MAP2K3: variants seen among roughly 807,000 people sequenced by gnomAD.
MAP2K3 encodes the protein mitogen-activated protein kinase kinase 3, also known as dual specificity mitogen-activated protein kinase kinase 3.
A neutral mutation model predicts 46.4 loss-of-function variants in MAP2K3; 30 were observed. That is an observed-to-expected ratio of 0.65 (90% confidence interval 0.48 to 0.88). The LOEUF is 0.88. Among genes scored for constraint, MAP2K3 ranks in the 40% least tolerant of loss-of-function variants. The pLI is 0.00. For synonymous variants in MAP2K3, 189 were observed against 176.3 expected (o/e 1.07, Z -0.57); for missense variants, 380 against 464.5 (o/e 0.82, Z 1.67).
At chr17:21,310,524 C>G (rs551451769) in intron 9 of MAP2K3, among the ~76,000 whole-genome samples, 65 of 152,266 alleles carry the variant, frequency 4.3e-4, no homozygotes, top group Non-Finnish European at 1.8e-4. Context: ...CGGCCTCCCC[C>G]CATCCTGCAA....
intron 7 of MAP2K3, among the ~76,000 whole-genome samples, chr17:21,303,504 C>T (rs1976721551): frequency 6.6e-6 from 1 of 152,308 alleles, no homozygotes; most frequent in Non-Finnish European, 1.5e-5. Flanking sequence ...TCGTGAAACT[C>T]CAGCATAGAG....
intron 1 of MAP2K3, among the ~76,000 whole-genome samples, chr17:21,289,559 T>C (rs1975824552): frequency 6.6e-6 from 1 of 152,134 alleles, no homozygotes; most frequent in African/African-American, 2.4e-5. Context: ...GCCCCACGAC[T>C]GATGCCCACA....
chr17:21,296,231 G>C, intron 1 of MAP2K3: 1 of 1,278,726 alleles, frequency 7.8e-7, no homozygotes, highest in Non-Finnish European at 1.0e-6. Flanking sequence ...TTTCTGCCTC[G>C]AGCTGTTTTG....
At chr17:21,300,451 G>T (rs138579071) in intron 3 of MAP2K3, 94 bp from the exon 4 acceptor site, 12 of 1,302,174 alleles carry the variant, frequency 9.2e-6, no homozygotes, top group Non-Finnish European at 1.3e-5. Context: ...TAATCAGCTG[G>T]TCCTCTTCAT....
intron 8 of MAP2K3, 74 bp from the exon 9 acceptor site, chr17:21,304,977 G>C: frequency 6.4e-7 from 1 of 1,562,710 alleles, no homozygotes; most frequent in African/African-American, 1.4e-5. Flanking sequence ...CTCAGTTTGG[G>C]GATTGGGAGG....
At chr17:21,287,730 C>T (rs1025632975) in intron 1 of MAP2K3, among the ~76,000 whole-genome samples, 7 of 152,250 alleles carry the variant, frequency 4.6e-5, no homozygotes, top group Non-Finnish European at 8.8e-5. Flanking sequence ...GGGTACCACA[C>T]GTGTCCTGTT....
intron 1 of MAP2K3, among the ~76,000 whole-genome samples, chr17:21,288,350 C>T (rs997164369): frequency 3.3e-5 from 5 of 152,214 alleles, no homozygotes; most frequent in Non-Finnish European, 7.3e-5. Flanking sequence ...TCCTCTTGCT[C>T]ACAGAGCAGG....
At chr17:21,302,458 C>A (rs67555368) in intron 6 of MAP2K3, among the ~76,000 whole-genome samples, 199 bp downstream of exon 6, 1 of 152,292 alleles carries the variant, frequency 6.6e-6, no homozygotes, top group Non-Finnish European at 1.5e-5. Context: ...AGGAGACCTC[C>A]GCTCCTGGGG....
chr17:21,305,955 T>C (rs1178968885), intron 9 of MAP2K3, among the ~76,000 whole-genome samples: 1 of 152,310 alleles, frequency 6.6e-6, no homozygotes, highest in Admixed American at 6.5e-5. Flanking sequence ...AGGACATTCC[T>C]GCTTGTCCCT....
chr17:21,298,622 T>G, intron 2 of MAP2K3, 143 bp downstream of exon 2: 1 of 1,366,334 alleles, frequency 7.3e-7, no homozygotes, highest in Non-Finnish European at 1.0e-6. Context: ...TACAGCCAGG[T>G]GACGGCTGCT....
In MAP2K3 at chr17:21,284,962, G is replaced by T. The variant is rs1975684212; in HGVS notation, c.42G>T (p.Gln14His). The T allele has an allele frequency of 4.3e-6, 7 of 1,611,700 alleles. No individual in the cohort carries two copies. The African/African-American group carries it at 6.7e-5, about 15-fold the overall frequency. Residue 14 changes from glutamine (Q) to histidine (H), a missense_variant, in exon 1 of 12, where the codon CAG becomes CAT. Gln to His is a conservative substitution (Grantham distance 24, BLOSUM62 0). Around this residue, in one of 5 missense-constraint regions of MAP2K3, gnomAD observed 294 missense variants for 275.4 expected, o/e 1.07. Coordinates refer to ENST00000342679, the MANE Select transcript of MAP2K3 (RefSeq NM_145109.3). ...PASSQPASMP[Q>H]SKGKSKRKKD... ...CGAGCCAGCCCGCCAGCATGCCCCA[G>T]TCCAAAGGTAGGCGCTCCCGGCCGG...
Position 21,288,022 on chromosome 17 carries a change from C to T in MAP2K3, c.49+3053C>T, listed in dbSNP as rs117620351. ...CTCTGTCAGCCAACCCATGGCCCAGCGCCCAAAGGGAGCAAAGTTCTCAGT... is the reference window on the plus strand; with the variant it reads ...CTCTGTCAGCCAACCCATGGCCCAGTGCCCAAAGGGAGCAAAGTTCTCAGT... On this transcript the variant is annotated intron_variant, in intron 1 of 11. Coordinates refer to ENST00000342679, the MANE Select transcript of MAP2K3 (RefSeq NM_145109.3). 155 of 1,289,254 alleles carry T rather than the reference C, an allele frequency of 1.2e-4. 1 individual carries two copies. In the East Asian group the frequency reaches 2.0e-3, roughly 17 times the overall value. 79.9% of individuals were successfully genotyped at this position (1,289,254 alleles called of 1,614,324 possible). A position where few individuals can be genotyped will look rare whatever the true frequency, so the allele number is the denominator to read the frequency against.
intron 9 of MAP2K3, among the ~76,000 whole-genome samples, chr17:21,308,204 A>G (rs1392278856): frequency 1.3e-5 from 2 of 150,752 alleles, no homozygotes; most frequent in Non-Finnish European, 2.9e-5. Flanking sequence ...CTAGAATGCA[A>G]TGGCACAATC....
At chr17:21,286,401 G>C (rs1004722381) in intron 1 of MAP2K3, among the ~76,000 whole-genome samples, 1 of 152,260 alleles carries the variant, frequency 6.6e-6, no homozygotes, top group African/African-American at 2.4e-5. Flanking sequence ...TGTGGGCCTG[G>C]GGAGGGCATG....
rs753946415 is a variant in MAP2K3, at chr17:21,300,506, C to T, written c.166-39C>T. On this transcript the variant is annotated intron_variant, in intron 3 of 11. Transcript: ENST00000342679. The stretch of plus-strand genomic sequence containing the variant: ...TGGGCATGGGGTGAGGACTGGCTTC[C>T]AGCTTGCTGGCCACTGACTCTCTTT... The T allele has an allele frequency of 5.1e-6, 8 of 1,571,878 alleles. No homozygotes were observed. The Admixed American group carries it at 1.5e-4, about 30-fold the overall frequency.
chr17:21,305,703 G>A (rs993601987), intron 9 of MAP2K3, among the ~76,000 whole-genome samples: 3 of 152,308 alleles, frequency 2.0e-5, no homozygotes, highest in Admixed American at 6.5e-5. Context: ...TTCCGTGTTG[G>A]GGCTCAGGTC....
chr17:21,307,920 A>ATC (rs1253160811), intron 9 of MAP2K3, among the ~76,000 whole-genome samples: 2 of 138,676 alleles, frequency 1.4e-5, no homozygotes, highest in Non-Finnish European at 3.0e-5. Flanking sequence ...CAATGGCATG[A>ATC]TCTCAGCTCA....
At chr17:21,288,102 G>A (rs542638973) in intron 1 of MAP2K3, 33 of 1,288,974 alleles carry the variant, frequency 2.6e-5, no homozygotes, top group African/African-American at 6.1e-5. Context: ...GTGAGTCAGC[G>A]GGCACTGGGT....
At chr17:21,296,176 G>T in intron 1 of MAP2K3, 1 of 1,289,630 alleles carries the variant, frequency 7.8e-7, no homozygotes, top group Non-Finnish European at 1.0e-6. Context: ...TTGCAGACGT[G>T]ATCTTGCTTC....
Sources: gnomAD v4.1 joint callset for allele counts (sites outside exome capture counted in the v4.1 genomes callset) on GRCh38, gnomAD v4.1.1 for gene constraint, gnomAD v4.1.1 regional missense constraint, MANE v1.5 for transcripts, NCBI Gene and HGNC (gene_info 2026-07-23, HGNC 2026-07-21) for gene names.